ASTN2: variants seen among roughly 807,000 people sequenced by gnomAD.
The protein encoded by ASTN2 is astrotactin 2.
Under a neutral mutation model 139.8 loss-of-function variants are expected in ASTN2, and 54 were observed. That is an observed-to-expected ratio of 0.39 (90% CI 0.31 to 0.48). The LOEUF is 0.48. ASTN2 is among the 20% of genes least tolerant of loss of function. The pLI is 0.95. For synonymous variants in ASTN2, 756 were observed against 719.5 expected, an observed-to-expected ratio of 1.05 and a Z score of -0.81; for missense variants, 1,565 against 1,725.1, an observed-to-expected ratio of 0.91 and a Z score of 1.64.
chr9:117,277,062 GGGAGGTGTCCTC>G (rs1332063389), intron 2 of ASTN2: 12 of 152,252 alleles, frequency 7.9e-5, no homozygotes, highest in Non-Finnish European at 1.6e-4. Context: ...TGTCTGGCAA[GGGAGGTGTCCTC>G]TTCCCCCCTC....
Position 116,808,790 on chromosome 9 carries a change from G to T in ASTN2, c.2208-2970C>A, listed in dbSNP as rs377170441. ...ACCCGTTTACAATCCTATAATTGATGAATGGGAGATCCTATTTTTCTACAT... is the reference window on the plus strand; with the variant it reads ...ACCCGTTTACAATCCTATAATTGATTAATGGGAGATCCTATTTTTCTACAT... On this transcript the variant is annotated intron_variant, in intron 12 of 22. Coordinates refer to ENST00000313400, the MANE Select transcript of ASTN2 (RefSeq NM_001365068.1). Among the ~76,000 whole-genome samples the T allele has an allele frequency of 2.6e-5, 4 of 152,250 alleles. No homozygotes were observed. In the East Asian group the frequency reaches 7.7e-4, roughly 29 times the overall value.
At chr9:116,991,177 C>T (rs1836842464) in intron 7 of ASTN2, among the ~76,000 whole-genome samples, 1 of 152,184 alleles carries the variant, frequency 6.6e-6, no homozygotes, top group Non-Finnish European at 1.5e-5. Context: ...CACACATACA[C>T]ACAGAAACAC....
At chr9:117,148,662 C>T (rs531541686) in intron 3 of ASTN2, among the ~76,000 whole-genome samples, 28 of 152,274 alleles carry the variant, frequency 1.8e-4, no homozygotes, top group African/African-American at 5.5e-4. Flanking sequence ...CAATTTTGTG[C>T]GCCAATTTAC....
chr9:116,802,856 G>T (rs1830899499), intron 13 of ASTN2, among the ~76,000 whole-genome samples: 1 of 152,174 alleles, frequency 6.6e-6, no homozygotes, highest in Non-Finnish European at 1.5e-5. Flanking sequence ...CTGGGCCTTT[G>T]CAGGCTCCTT....
chr9:117,177,976 T>A (rs1000529376), intron 3 of ASTN2, among the ~76,000 whole-genome samples: 1 of 152,214 alleles, frequency 6.6e-6, no homozygotes, highest in Non-Finnish European at 1.5e-5. Context: ...AGGCCCCGTG[T>A]GATCGGGCCC....
At chr9:116,522,696 A>C (rs1391266308) in intron 19 of ASTN2, among the ~76,000 whole-genome samples, 1 of 152,172 alleles carries the variant, frequency 6.6e-6, no homozygotes, top group Non-Finnish European at 1.5e-5. Flanking sequence ...TAAAAGAATG[A>C]AGATGAAGAG....
chr9:117,228,810 T>C (rs1004064697), intron 2 of ASTN2, among the ~76,000 whole-genome samples: 2 of 151,544 alleles, frequency 1.3e-5, no homozygotes, highest in Non-Finnish European at 2.9e-5. Context: ...AGGTCAGGAG[T>C]TCAAGACCAG....
At chr9:117,141,587 G>T in intron 3 of ASTN2, 109 bp from the exon 4 acceptor site, 1 of 1,022,048 alleles carries the variant, frequency 9.8e-7, no homozygotes, top group Non-Finnish European at 1.3e-6. Flanking sequence ...TAGAGCACTA[G>T]ACCTGGCCAC....
chr9:116,924,261 A>T (rs7031394), intron 10 of ASTN2, among the ~76,000 whole-genome samples: 128,047 of 140,700 alleles, frequency 0.91, 57,915 homozygotes, highest in East Asian at 0.97. Context: ...ATATAAAAAA[A>T]AAAAAAAAAA....
intron 5 of ASTN2, among the ~76,000 whole-genome samples, chr9:117,060,333 AG>A (rs1564406163): frequency 6.6e-4 from 52 of 78,710 alleles, no homozygotes; most frequent in African/African-American, 3.3e-3. Context: ...AAAGAAAGAA[AG>A]AAAGAAAGAG....
chr9:117,262,381 G>A (rs144795239), intron 2 of ASTN2, among the ~76,000 whole-genome samples: 2 of 147,784 alleles, frequency 1.4e-5, no homozygotes, highest in East Asian at 4.1e-4. Flanking sequence ...CACTGTGGTT[G>A]ATATTCTGTT....
chr9:117,052,153 A>C (rs1232957125), intron 5 of ASTN2, among the ~76,000 whole-genome samples: 1 of 152,172 alleles, frequency 6.6e-6, no homozygotes, highest in African/African-American at 2.4e-5. Flanking sequence ...AGAAAGATTA[A>C]ATAGTGGCTG....
At chr9:117,202,203 T>G (rs1342940063) in intron 3 of ASTN2, among the ~76,000 whole-genome samples, 2 of 152,172 alleles carry the variant, frequency 1.3e-5, no homozygotes, top group Admixed American at 6.5e-5. Flanking sequence ...TAAATCTTCC[T>G]CCATCCCTTT....
intron 4 of ASTN2, among the ~76,000 whole-genome samples, chr9:117,117,411 C>T (rs979453121): frequency 7.4e-6 from 1 of 134,980 alleles, no homozygotes; most frequent in African/African-American, 2.9e-5. Context: ...AAAAAAAAAA[C>T]GCAACTCCAC....
chr9:117,043,113 C>T lies in ASTN2; in HGVS notation c.1277-3148G>A, dbSNP rs559927022. On this transcript the variant is annotated intron_variant, in intron 5 of 22. Transcript: ENST00000313400. ...CTTGAACTCCTGACCTCAGGTGATC[C>T]ACCGACCTCAGCCTCCCAAACTGCT... 4.6e-5 allele frequency among the ~76,000 whole-genome samples: 7 copies of T among 152,242 alleles called. No individual in the cohort carries two copies. In the South Asian group the frequency reaches 1.5e-3, roughly 32 times the overall value.
At chr9:116,801,683 T>C (rs1007204265) in intron 13 of ASTN2, among the ~76,000 whole-genome samples, 1 of 151,762 alleles carries the variant, frequency 6.6e-6, no homozygotes, top group South Asian at 2.1e-4. Context: ...AGAAGTGGCT[T>C]GCCTTTCCAC....
At chr9:117,408,420 C>T (rs940102962) in intron 1 of ASTN2, among the ~76,000 whole-genome samples, 2 of 152,096 alleles carry the variant, frequency 1.3e-5, no homozygotes, top group Non-Finnish European at 2.9e-5. Context: ...CCATCAAAGT[C>T]GACGGTTGTG....
chr9:116,428,296 C>A (rs899102126), intron 22 of ASTN2, among the ~76,000 whole-genome samples: 1 of 152,090 alleles, frequency 6.6e-6, no homozygotes, highest in African/African-American at 2.4e-5. Flanking sequence ...GAGGCCAAGG[C>A]GGGTGGATCA....
At chr9:117,180,509 A>C (rs530032567) in intron 3 of ASTN2, 20 of 615,472 alleles carry the variant, frequency 3.2e-5, no homozygotes, top group Non-Finnish European at 8.5e-6. Context: ...TTTGAATGCC[A>C]TTTCCTCTGT....
Sources: allele counts gnomAD v4.1 joint callset (sites outside exome capture counted in the v4.1 genomes callset), GRCh38; gene constraint gnomAD v4.1.1; transcripts MANE v1.5; gene names NCBI Gene and HGNC (gene_info 2026-07-23, HGNC 2026-07-21).